CCSER1: variants seen among roughly 807,000 people sequenced by gnomAD.
The protein encoded by CCSER1 is serine-rich coiled-coil domain-containing protein 1.
A neutral mutation model predicts 82.0 loss-of-function variants in CCSER1; 41 were observed. The ratio of observed to expected loss-of-function variants is 0.50; its 90% CI spans 0.39 to 0.65. CCSER1 has a LOEUF of 0.65. Ranked by LOEUF, CCSER1 falls within the 30% of genes least tolerant of loss-of-function variation. The pLI, the probability that CCSER1 is intolerant of heterozygous loss-of-function variation, is 0.00. For synonymous variants in CCSER1, 414 were observed against 383.9 expected, an observed-to-expected ratio of 1.08 and a Z score of -0.92; for missense variants, 1,119 against 1,064.2, an observed-to-expected ratio of 1.05 and a Z score of -0.72.
intron 4 of CCSER1, among the ~76,000 whole-genome samples, chr4:90,429,044 A>T (rs1344597084): frequency 6.6e-6 from 1 of 151,650 alleles, no homozygotes; most frequent in African/African-American, 2.4e-5. Context: ...ACACTATTGC[A>T]AGATGTTAAT....
chr4:90,383,978 C>T lies in CCSER1; in HGVS notation c.1510-16058C>T, dbSNP rs181979890. The stretch of plus-strand genomic sequence containing the variant: ...GGGTCTTGCTATGTTGTCCAGGCTG[C>T]GCTTGATCTCCTGGGCTCAAACAAT... On this transcript the variant is annotated intron_variant, in intron 3 of 10. Transcript: ENST00000509176. 2.5e-4 allele frequency among the ~76,000 whole-genome samples: 38 copies of T among 151,684 alleles called. 1 individual carries two copies. Among genetic ancestry groups the T allele is most frequent in the African/African-American group, 5.3e-4 (22 of 41,382 alleles).
At chr4:91,099,331 G>A (rs1228836815) in intron 10 of CCSER1, among the ~76,000 whole-genome samples, 1 of 152,156 alleles carries the variant, frequency 6.6e-6, no homozygotes, top group African/African-American at 2.4e-5. Context: ...TGTATCTGAT[G>A]AACAGTGTGA....
chr4:90,905,427 C>T lies in CCSER1; in HGVS notation c.2095-17943C>T, dbSNP rs144529473. Among the ~76,000 whole-genome samples, 27 of 151,994 alleles carry T rather than the reference C, an allele frequency of 1.8e-4. No homozygotes were observed. The East Asian group carries it at 4.6e-3, about 26-fold the overall frequency. On this transcript the variant is annotated intron_variant, in intron 8 of 10. Coordinates refer to ENST00000509176, the MANE Select transcript of CCSER1 (RefSeq NM_001145065.2). ...AAAAAATGCATATACTCCTCCCCCACGCCTCTTGAACTTTATCCAGTTTTT... is the reference window on the plus strand; with the variant it reads ...AAAAAATGCATATACTCCTCCCCCATGCCTCTTGAACTTTATCCAGTTTTT...
At chr4:90,147,568 C>T (rs1468067683) in intron 1 of CCSER1, among the ~76,000 whole-genome samples, 2 of 152,020 alleles carry the variant, frequency 1.3e-5, no homozygotes, top group East Asian at 3.9e-4. Flanking sequence ...TGCACAAGTG[C>T]TAATTATGCA....
chr4:90,621,101 G>A (rs1474265616), intron 5 of CCSER1, among the ~76,000 whole-genome samples: 1 of 152,160 alleles, frequency 6.6e-6, no homozygotes, highest in African/African-American at 2.4e-5. Context: ...GTACAGGTGT[G>A]AGCCACCCTG....
At chr4:90,609,548 A>G (rs1456905587) in intron 5 of CCSER1, among the ~76,000 whole-genome samples, 1 of 152,142 alleles carries the variant, frequency 6.6e-6, no homozygotes, top group Non-Finnish European at 1.5e-5. Flanking sequence ...CAACCTTCAA[A>G]CTTCAGTGGG....
chr4:91,416,169 G>A (rs1243561386), intron 10 of CCSER1, among the ~76,000 whole-genome samples: 1 of 152,070 alleles, frequency 6.6e-6, no homozygotes, highest in South Asian at 2.1e-4. Flanking sequence ...TCTTCAAGGA[G>A]AACTACAAAC....
At chr4:91,088,220 A>T (rs187394400) in intron 10 of CCSER1, among the ~76,000 whole-genome samples, 2 of 152,268 alleles carry the variant, frequency 1.3e-5, no homozygotes, top group Admixed American at 1.3e-4. Context: ...ATAATTGTTT[A>T]TTATGATGAA....
At chr4:90,234,343 A>G (rs1417311009) in intron 1 of CCSER1, among the ~76,000 whole-genome samples, 1 of 151,846 alleles carries the variant, frequency 6.6e-6, no homozygotes, top group Non-Finnish European at 1.5e-5. Context: ...CAGCCTCCCA[A>G]ATAGCTGGGA....
intron 9 of CCSER1, among the ~76,000 whole-genome samples, chr4:91,030,689 T>C (rs1398935847): frequency 1.3e-5 from 2 of 152,070 alleles, no homozygotes; most frequent in African/African-American, 4.8e-5. Flanking sequence ...ATTGGGTCCA[T>C]TGTACAATGC....
chr4:91,282,517 C>T (rs374758136), intron 10 of CCSER1, among the ~76,000 whole-genome samples: 62 of 152,244 alleles, frequency 4.1e-4, no homozygotes, highest in African/African-American at 1.3e-3. Flanking sequence ...AGTCGCTCTT[C>T]AGAGCAAAAT....
intron 8 of CCSER1, among the ~76,000 whole-genome samples, chr4:90,916,881 G>A (rs955064362): frequency 6.7e-6 from 1 of 148,184 alleles, no homozygotes; most frequent in Non-Finnish European, 1.5e-5. Context: ...CTCAAAAGAA[G>A]ACGTCTATAC....
rs563712733 is a variant in CCSER1, at chr4:90,657,536, G to A, written c.1932+29304G>A. Among the ~76,000 whole-genome samples, 130 of 152,092 alleles carry A rather than the reference G, an allele frequency of 8.5e-4. 2 individuals carry two copies. The highest frequency in any genetic ancestry group is 2.5e-4 in the Non-Finnish European group (17 of 67,994). On this transcript the variant is annotated intron_variant, in intron 6 of 10. Coordinates refer to ENST00000509176, the MANE Select transcript of CCSER1 (RefSeq NM_001145065.2). ...ATATTTTGATGTTACACCGTATACC[G>A]TGTCATTAAGCTTTTTCCTGTATTT...
chr4:91,187,285 A>G (rs1444240882), intron 10 of CCSER1, among the ~76,000 whole-genome samples: 1 of 152,118 alleles, frequency 6.6e-6, no homozygotes, highest in African/African-American at 2.4e-5. Context: ...CCATCTTGGC[A>G]CCTCTCTCTG....
intron 9 of CCSER1, among the ~76,000 whole-genome samples, chr4:91,082,017 C>G (rs905253557): frequency 1.3e-5 from 2 of 152,080 alleles, no homozygotes; most frequent in Non-Finnish European, 2.9e-5. Context: ...CAATGCCATC[C>G]CCATCAAGCT....
At chr4:90,856,660 T>C (rs1218156375) in intron 8 of CCSER1, among the ~76,000 whole-genome samples, 1 of 152,168 alleles carries the variant, frequency 6.6e-6, no homozygotes, top group Non-Finnish European at 1.5e-5. Flanking sequence ...TCTATTCCCA[T>C]TTATAACTCA....
At chr4:91,395,911 A>T (rs1446467912) in intron 10 of CCSER1, among the ~76,000 whole-genome samples, 1 of 152,138 alleles carries the variant, frequency 6.6e-6, no homozygotes, top group Non-Finnish European at 1.5e-5. Flanking sequence ...TGCAAATGTC[A>T]TAAACAGCTA....
chr4:90,651,759 C>A (rs1728794890), intron 6 of CCSER1, among the ~76,000 whole-genome samples: 1 of 151,992 alleles, frequency 6.6e-6, no homozygotes, highest in African/African-American at 2.4e-5. Context: ...GGACAGAGAG[C>A]AAATTTGAAA....
At chr4:90,497,241 A>T (rs1769178933) in intron 5 of CCSER1, among the ~76,000 whole-genome samples, 1 of 152,118 alleles carries the variant, frequency 6.6e-6, no homozygotes, top group Non-Finnish European at 1.5e-5. Flanking sequence ...CCTTGCTTTG[A>T]TTTAATTTTA....
Sources: gnomAD v4.1 joint callset for allele counts (sites outside exome capture counted in the v4.1 genomes callset) on GRCh38, gnomAD v4.1.1 for gene constraint, MANE v1.5 for transcripts, NCBI Gene and HGNC (gene_info 2026-07-23, HGNC 2026-07-21) for gene names.